The following PRIMA1 variants were observed in gnomAD, a reference collection of about 807,000 sequenced individuals.
The protein encoded by PRIMA1 is proline-rich membrane anchor 1.
In PRIMA1, 7 loss-of-function variants were observed where a neutral mutation model predicts 17.5. The ratio of observed to expected loss-of-function variants is 0.40; its 90% CI spans 0.23 to 0.75. The LOEUF (loss-of-function observed/expected upper bound fraction) is 0.75, where lower values mean the gene tolerates loss of function less well. Among genes scored for constraint, PRIMA1 ranks in the 30% least tolerant of loss-of-function variants. PRIMA1 has a pLI of 0.37. For synonymous variants in PRIMA1, 97 were observed against 77.9 expected (o/e 1.25, Z -1.29); for missense variants, 200 against 201.8 (o/e 0.99, Z 0.05).
intron 4 of PRIMA1, among the ~76,000 whole-genome samples, chr14:93,731,830 C>T (rs181737434): frequency 6.1e-4 from 93 of 152,332 alleles, no homozygotes; most frequent in Admixed American, 9.1e-4. Context: ...CTGAACAGTC[C>T]TGTGCCAGTC....
At chr14:93,762,168 C>T (rs1884752645) in intron 3 of PRIMA1, among the ~76,000 whole-genome samples, 1 of 152,194 alleles carries the variant, frequency 6.6e-6, no homozygotes, top group Admixed American at 6.5e-5. Context: ...GCCCCACCTT[C>T]CCAGCCCAAT....
intron 4 of PRIMA1, among the ~76,000 whole-genome samples, chr14:93,732,478 G>A (rs1297463970): frequency 6.6e-6 from 1 of 152,176 alleles, no homozygotes; most frequent in Non-Finnish European, 1.5e-5. Context: ...CTGCTCTTCT[G>A]CCTCTCCTCT....
In PRIMA1 at chr14:93,719,621, G is replaced by A. The variant is rs1361152180; in HGVS notation, c.*1823C>T. 1 of 153,024 alleles carries A rather than the reference G, an allele frequency of 6.5e-6. No homozygotes were observed. The highest frequency in any genetic ancestry group is 1.5e-5 in the Non-Finnish European group (1 of 68,758). The allele number at this position is 153,024 out of a possible 1,614,324, so 9.5% of individuals were successfully genotyped here. A position where few individuals can be genotyped will look rare whatever the true frequency, so the allele number is the denominator to read the frequency against. On this transcript the variant is annotated 3_prime_UTR_variant, in exon 5 of 5. Coordinates refer to ENST00000393140, the MANE Select transcript of PRIMA1 (RefSeq NM_178013.4). Reference sequence around the variant, plus strand: ...AGGCAGTAGGGGAGAGTGCCCTGGGGTGGGGTCTGCTGGGTTTCCCCCTTT... The same window carrying A: ...AGGCAGTAGGGGAGAGTGCCCTGGGATGGGGTCTGCTGGGTTTCCCCCTTT...
chr14:93,721,483 C>T lies in PRIMA1; in HGVS notation c.423G>A (p.Gln141=), dbSNP rs1418815474. The change falls in exon 5 of 5, where the codon CAG becomes CAA. Residue 141 remains glutamine (Q), a synonymous_variant. Transcript: ENST00000393140. ...SVAEYPMSAS[Q]SNKGVDVNNA... ...TGTTCACGTCTACTCCTTTGTTGCT[C>T]TGCGAAGCACTCATGGGATACTCAG... 3.1e-6 allele frequency: 5 copies of T among 1,613,986 alleles called. No individual in the cohort carries two copies. The African/African-American group carries it at 5.3e-5, about 17-fold the overall frequency.
intron 4 of PRIMA1, 43 bp downstream of exon 4, chr14:93,737,198 G>T: frequency 6.2e-7 from 1 of 1,607,334 alleles, no homozygotes; most frequent in East Asian, 2.2e-5. Context: ...CCCAGCTGGG[G>T]TTCCCTTCGG....
chr14:93,756,197 C>A (rs866910411), intron 3 of PRIMA1, among the ~76,000 whole-genome samples: 10 of 152,154 alleles, frequency 6.6e-5, no homozygotes, highest in South Asian at 4.1e-4. Flanking sequence ...AGCCACCTTG[C>A]CTGGCCTAAG....
intron 3 of PRIMA1, among the ~76,000 whole-genome samples, chr14:93,756,650 G>A (rs895696749): frequency 3.3e-5 from 5 of 151,824 alleles, no homozygotes; most frequent in Admixed American, 6.6e-5. Flanking sequence ...GCCCCAGCAC[G>A]TCCCCCAGCC....
chr14:93,788,119 A>G (rs576731796), intron 1 of PRIMA1, among the ~76,000 whole-genome samples: 1 of 152,024 alleles, frequency 6.6e-6, no homozygotes, highest in Non-Finnish European at 1.5e-5. Context: ...CCCGGCGGGC[A>G]CTACTCACCT....
intron 3 of PRIMA1, among the ~76,000 whole-genome samples, chr14:93,761,266 G>A (rs1340676225): frequency 6.6e-6 from 1 of 152,138 alleles, no homozygotes; most frequent in Non-Finnish European, 1.5e-5. Context: ...CATGAGAATC[G>A]ATTGAACCCA....
chr14:93,775,572 C>T (rs1885191917), intron 3 of PRIMA1, among the ~76,000 whole-genome samples: 1 of 152,162 alleles, frequency 6.6e-6, no homozygotes, highest in Non-Finnish European at 1.5e-5. Flanking sequence ...AATCTTGGCT[C>T]ACTGCAACCT....
intron 3 of PRIMA1, among the ~76,000 whole-genome samples, chr14:93,747,740 G>A (rs759831286): frequency 1.3e-5 from 2 of 151,696 alleles, no homozygotes; most frequent in Non-Finnish European, 1.5e-5. Context: ...GTGTGCGAGT[G>A]GGAAGTGTGT....
rs1884852336 is a variant in PRIMA1, at chr14:93,765,231, TC to T, written c.229+13944del. Among the ~76,000 whole-genome samples the T allele has an allele frequency of 2.6e-5, 4 of 151,888 alleles. No homozygotes were observed. In the South Asian group the frequency reaches 8.4e-4, roughly 32 times the overall value. On this transcript the variant is annotated intron_variant, in intron 3 of 4. Coordinates refer to ENST00000393140, the MANE Select transcript of PRIMA1 (RefSeq NM_178013.4). ...ACAAAATGTAAGCCCCCTCCCTACT[TC>T]CTTTCTCTTCCAGAGTTGATCTTTC...
chr14:93,762,588 G>A (rs540544403), intron 3 of PRIMA1, among the ~76,000 whole-genome samples: 32 of 152,088 alleles, frequency 2.1e-4, no homozygotes, highest in Admixed American at 1.9e-3. Flanking sequence ...CCTGGTCCCG[G>A]TGGCTGTCAC....
upstream of PRIMA1, among the ~76,000 whole-genome samples, chr14:93,788,913 G>T (rs1029137833): frequency 2.6e-5 from 4 of 152,142 alleles, no homozygotes; most frequent in Admixed American, 2.6e-4. Context: ...GGGGCACTGG[G>T]GTGCCCGAGC....
At chr14:93,783,211 T>C (rs1885431483) in intron 2 of PRIMA1, among the ~76,000 whole-genome samples, 1 of 152,248 alleles carries the variant, frequency 6.6e-6, no homozygotes. Context: ...ATCATGACTT[T>C]CTGAGCCCTA....
At chr14:93,752,724 TTC>T (rs1398102626) in intron 3 of PRIMA1, among the ~76,000 whole-genome samples, 1 of 149,800 alleles carries the variant, frequency 6.7e-6, no homozygotes, top group Non-Finnish European at 1.5e-5. Context: ...GGAAATTGAG[TTC>T]TCTGTCTGGA....
intron 3 of PRIMA1, among the ~76,000 whole-genome samples, chr14:93,743,572 C>T (rs1334623437): frequency 6.6e-6 from 1 of 152,282 alleles, no homozygotes; most frequent in Admixed American, 6.5e-5. Context: ...CAACCTCCAT[C>T]TCCCTCAAGG....
At chr14:93,782,492 A>C (rs770814469) in intron 2 of PRIMA1, among the ~76,000 whole-genome samples, 39 of 151,364 alleles carry the variant, frequency 2.6e-4, no homozygotes, top group Non-Finnish European at 5.0e-4. Context: ...ATGGTGGCAC[A>C]TGCCTATAGA....
intron 3 of PRIMA1, among the ~76,000 whole-genome samples, chr14:93,763,613 T>A (rs925325520): frequency 1.3e-5 from 2 of 152,074 alleles, no homozygotes; most frequent in Non-Finnish European, 2.9e-5. Context: ...TAGAGGAGGG[T>A]TGAGGGAGGA....
Sources: gnomAD v4.1 joint callset for allele counts (sites outside exome capture counted in the v4.1 genomes callset) on GRCh38, gnomAD v4.1.1 for gene constraint, MANE v1.5 for transcripts, NCBI Gene and HGNC (gene_info 2026-07-23, HGNC 2026-07-21) for gene names.